APC2: variants seen among roughly 807,000 people sequenced by gnomAD.
APC2 encodes the protein APC regulator of Wnt signaling pathway 2, also known as adenomatous polyposis coli protein 2.
A neutral mutation model predicts 72.5 loss-of-function variants in APC2; 41 were observed. That is an observed-to-expected ratio of 0.57 (90% CI 0.44 to 0.73). The LOEUF (loss-of-function observed/expected upper bound fraction) is 0.73. APC2 is among the 30% of genes least tolerant of loss of function. The pLI, the probability that APC2 is intolerant of heterozygous loss-of-function variation, is 0.00. For missense variants in APC2, 3,729 were observed against 3,403.4 expected, an observed-to-expected ratio of 1.10 and a Z score of -2.38; for synonymous variants, 1,898 against 1,612.0, an observed-to-expected ratio of 1.18 and a Z score of -4.25.
At position 1,469,329 on chromosome 19, in the gene APC2, G is replaced by A; in HGVS notation, c.6028G>A (p.Glu2010Lys). 1.4e-6 allele frequency: 2 copies of A among 1,407,840 alleles called. No individual in the cohort carries two copies. The highest frequency in any genetic ancestry group is 2.6e-5 in the South Asian group (2 of 75,510). The allele number at this position is 1,407,840 out of a possible 1,614,324, so 87.2% of individuals were successfully genotyped here. The change falls in exon 15 of 15, where the codon GAG (glutamate) becomes AAG (lysine). Residue 2010 changes from glutamate to lysine, a missense_variant. Physicochemically the swap from Glu to Lys is moderately conservative, Grantham distance 56 (BLOSUM62 1). Coordinates refer to ENST00000590469, the MANE Select transcript of APC2 (RefSeq NM_005883.3). ...GCCGGGCTTGCGGCGCCGCCGCTCC[G>A]AGCTGTCCTCGGCCGAGTCCGCGGC... ...ESPGLRRRRS[E>K]LSSAESAASA...
In APC2 at chr19:1,467,966, AC is replaced by A; in HGVS notation, c.4667del (p.Pro1556GlnfsTer24). ...AGGCCCCTGCCCCGTCCAAGGCTGC[AC>A]CAGCTGCCCCGCCGCCCGCCCGGAC... ...KEAPAPSKAA[P>X]AAPPPARTQP... On this transcript the variant is annotated frameshift_variant, in exon 15 of 15. Coordinates refer to ENST00000590469, the MANE Select transcript of APC2 (RefSeq NM_005883.3). LOFTEE classifies it low-confidence loss of function (END_TRUNC). 1 of 1,579,932 alleles carries A rather than the reference AC, an allele frequency of 6.3e-7. No individual in the cohort carries two copies. Among genetic ancestry groups the A allele is most frequent in the Non-Finnish European group, 8.5e-7 (1 of 1,172,340 alleles).
Position 1,468,133 on chromosome 19 carries a change from G to A in APC2, c.4832G>A (p.Gly1611Asp), listed in dbSNP as rs1426585119. ...GREPAVTKDP[G>D]PGGGRDSSPS... The stretch of plus-strand genomic sequence containing the variant: ...GAGCCCGCGGTCACCAAGGACCCGG[G>A]CCCAGGAGGCGGACGCGACAGCTCG... The change falls in exon 15 of 15, where the codon GGC (glycine) becomes GAC (aspartate). Residue 1611 changes from glycine (G) to aspartate (D), a missense_variant. By Grantham distance (94) the Gly-to-Asp change is moderately conservative. Transcript: ENST00000590469. 3.3e-6 allele frequency: 5 copies of A among 1,498,730 alleles called. No homozygotes were observed. Among genetic ancestry groups the A allele is most frequent in the Admixed American group, 4.4e-5 (2 of 45,910 alleles). 92.8% of individuals were successfully genotyped at this position (1,498,730 alleles called of 1,614,324 possible). A position where few individuals can be genotyped will look rare whatever the true frequency, so the allele number is the denominator to read the frequency against.
intron 1 of APC2, chr19:1,451,853 G>C (rs917826078): frequency 6.6e-6 from 1 of 152,518 alleles, no homozygotes; most frequent in Non-Finnish European, 1.5e-5. Flanking sequence ...TGTCCCAGCC[G>C]TGCCCCTGGT....
rs761630570 is a variant in APC2 at position 1,469,004 on chromosome 19, C to T, written c.5703C>T (p.Pro1901=). 1 of 1,555,568 alleles carries T rather than the reference C, an allele frequency of 6.4e-7. No individual in the cohort carries two copies. Among genetic ancestry groups the T allele is most frequent in the Non-Finnish European group, 8.7e-7 (1 of 1,154,806 alleles). ...PPVTQAAGAL[P]GPGASPVPKT... is the part of the protein sequence containing the mutation. ...TCACCCAGGCTGCTGGGGCCCTGCCCGGCCCCGGAGCCTCCCCGGTGCCCA... is the reference window on the plus strand; with the variant it reads ...TCACCCAGGCTGCTGGGGCCCTGCCTGGCCCCGGAGCCTCCCCGGTGCCCA... Residue 1901 remains proline, a synonymous_variant, in exon 15 of 15, where the codon CCC becomes CCT. Coordinates refer to ENST00000590469, the MANE Select transcript of APC2 (RefSeq NM_005883.3).
Position 1,461,721 on chromosome 19 carries a change from G to A in APC2, c.1639-242G>A, listed in dbSNP as rs185336468. On this transcript the variant is annotated intron_variant, in intron 13 of 14. Coordinates refer to ENST00000590469, the MANE Select transcript of APC2 (RefSeq NM_005883.3). ...CAAAAAATTAGCCGGGCGTGGTGGC[G>A]GGTGTCTGTAGTCCCAGCTACTCCG... 2,824 of 510,246 alleles carry A rather than the reference G, an allele frequency of 5.5e-3. 60 individuals are homozygous for A. Among genetic ancestry groups the A allele is most frequent in the African/African-American group, 0.049 (2,493 of 50,804 alleles). 31.6% of individuals were successfully genotyped at this position (510,246 alleles called of 1,614,324 possible).
upstream of APC2, among the ~76,000 whole-genome samples, chr19:1,447,097 G>A (rs972392271): frequency 6.6e-6 from 1 of 152,188 alleles, no homozygotes; most frequent in African/African-American, 2.4e-5. Context: ...CGGCGGTCAG[G>A]CTTCAGGGCG....
In APC2 at chr19:1,465,462, C is replaced by T; in HGVS notation, c.2161C>T (p.Arg721Cys). ...CAGCTGCGTGCCCAGCCTGTACGTG[C>T]GCAAGCAGCGGGCGCTGGAGGCCGA... is the stretch of plus-strand genomic sequence containing the variant. The part of the protein sequence containing the change: ...PGSCVPSLYV[R>C]KQRALEAELD... Residue 721 changes from arginine (R) to cysteine (C), a missense_variant, in exon 15 of 15, where the codon CGC becomes TGC. Transcript: ENST00000590469. 2 of 1,531,992 alleles carry T rather than the reference C, an allele frequency of 1.3e-6. No homozygotes were observed. The highest frequency in any genetic ancestry group is 1.2e-5 in the South Asian group (1 of 83,978). 94.9% of individuals were successfully genotyped at this position (1,531,992 alleles called of 1,614,324 possible).
intron 10 of APC2, among the ~76,000 whole-genome samples, chr19:1,458,914 C>A (rs1029197420): frequency 6.6e-6 from 1 of 152,088 alleles, no homozygotes. Context: ...AAACTCCTGG[C>A]CTCGGGTGAT....
intron 4 of APC2, among the ~76,000 whole-genome samples, chr19:1,454,021 G>T (rs769244209): frequency 2.2e-4 from 33 of 152,198 alleles, no homozygotes; most frequent in Non-Finnish European, 4.4e-4. Flanking sequence ...TGGGCTCAGG[G>T]CCAGCAGAGG....
At chr19:1,461,372 C>T (rs548214473) in intron 13 of APC2, 7 of 586,842 alleles carry the variant, frequency 1.2e-5, no homozygotes, top group South Asian at 2.0e-5. Context: ...GTCAGGAGTT[C>T]GAGACCAGCC....
Position 1,455,420 on chromosome 19 carries a change from C to G in APC2, c.559C>G (p.Leu187Val), listed in dbSNP as rs748343600. 1 of 1,608,898 alleles carries G rather than the reference C, an allele frequency of 6.2e-7. No homozygotes were observed. The highest frequency in any genetic ancestry group is 8.5e-7 in the Non-Finnish European group (1 of 1,178,146). ...GCAGATGGACCTGATCCGGCAGCAG[C>G]TTGAGTTCGAGGCCCAGCACATCCG... ...SMQMDLIRQQLEFEAQHIRSL... is the reference protein window; with the variant it reads ...SMQMDLIRQQVEFEAQHIRSL... The change falls in exon 6 of 15, where the codon CTT (leucine) becomes GTT (valine). Residue 187 changes from leucine to valine, a missense_variant. Leu to Val is a conservative substitution (Grantham distance 32). Transcript: ENST00000590469.
chr19:1,468,997 C>A lies in APC2; in HGVS notation c.5696C>A (p.Ala1899Asp). 6.4e-7 allele frequency: 1 copy of A among 1,556,776 alleles called. No homozygotes were observed. The highest frequency in any genetic ancestry group is 8.7e-7 in the Non-Finnish European group (1 of 1,155,802). ...KRPPVTQAAGALPGPGASPVP... is the reference protein window; with the variant it reads ...KRPPVTQAAGDLPGPGASPVP... ...CCCCCGGTCACCCAGGCTGCTGGGG[C>A]CCTGCCCGGCCCCGGAGCCTCCCCG... Residue 1899 changes from alanine (A) to aspartate (D), a missense_variant, in exon 15 of 15, where the codon GCC becomes GAC. Coordinates refer to ENST00000590469, the MANE Select transcript of APC2 (RefSeq NM_005883.3).
intron 9 of APC2, 159 bp from the exon 10 acceptor site, chr19:1,457,806 C>G (rs896571465): frequency 3.0e-6 from 2 of 657,576 alleles, no homozygotes; most frequent in Non-Finnish European, 5.4e-6. Flanking sequence ...CCCCATCATC[C>G]CATCTTAGAG....
upstream of APC2, among the ~76,000 whole-genome samples, chr19:1,448,260 C>T (rs1438055219): frequency 2.6e-5 from 4 of 152,172 alleles, no homozygotes; most frequent in African/African-American, 9.7e-5. Context: ...TCCTCCTGAT[C>T]ACTGCTGTTC....
In APC2 at chr19:1,467,427, T is replaced by A; in HGVS notation, c.4126T>A (p.Leu1376Met). The change falls in exon 15 of 15, where the codon TTG becomes ATG. Residue 1376 changes from leucine to methionine, a missense_variant. Physicochemically the swap from Leu to Met is conservative, Grantham distance 15. Coordinates refer to ENST00000590469, the MANE Select transcript of APC2 (RefSeq NM_005883.3). ...CGCACTCCCCGTGCCCGTCTACATGTTGGTGCCCGCCCCGGCCCCGGCCCA... is the reference window on the plus strand; with the variant it reads ...CGCACTCCCCGTGCCCGTCTACATGATGGTGCCCGCCCCGGCCCCGGCCCA... ...RRALPVPVYM[L>M]VPAPAPAQED... 6.7e-7 allele frequency: 1 copy of A among 1,486,350 alleles called. No individual in the cohort carries two copies. Among genetic ancestry groups the A allele is most frequent in the Non-Finnish European group, 8.9e-7 (1 of 1,123,132 alleles). 92.1% of individuals were successfully genotyped at this position (1,486,350 alleles called of 1,614,324 possible).
At position 1,469,028 on chromosome 19, in the gene APC2, C is replaced by G. The variant is rs752963417; in HGVS notation, c.5727C>G (p.Pro1909=). The G allele has an allele frequency of 6.5e-6, 10 of 1,545,816 alleles. No homozygotes were observed. Among genetic ancestry groups the G allele is most frequent in the Admixed American group, 3.9e-5 (2 of 51,502 alleles). The change falls in exon 15 of 15, where the codon CCC becomes CCG. Residue 1909 remains proline, a synonymous_variant. Coordinates refer to ENST00000590469, the MANE Select transcript of APC2 (RefSeq NM_005883.3). ...ALPGPGASPV[P]KTPARTLLAK... is the part of the protein sequence containing the mutation. ...CCGGCCCCGGAGCCTCCCCGGTGCC[C>G]AAAACGCCGGCGCGCACCCTTCTGG... is the stretch of plus-strand genomic sequence containing the variant.
Position 1,460,225 on chromosome 19 carries a change from A to G in APC2, c.1348A>G (p.Met450Val). 1 of 1,613,510 alleles carries G rather than the reference A, an allele frequency of 6.2e-7. No homozygotes were observed. Residue 450 changes from methionine (M) to valine (V), a missense_variant, in exon 11 of 15, where the codon ATG (methionine) becomes GTG (valine). Coordinates refer to ENST00000590469, the MANE Select transcript of APC2 (RefSeq NM_005883.3). ...VAELLQVDYE[M>V]HKMTRDPLNL... is the part of the protein sequence containing the mutation. The stretch of plus-strand genomic sequence containing the variant: ...AGAGCTGCTGCAGGTTGACTATGAG[A>G]TGCACAAGATGACCCGGGACCCGCT...
chr19:1,447,536 G>C (rs1046649814), upstream of APC2, among the ~76,000 whole-genome samples: 1 of 152,088 alleles, frequency 6.6e-6, no homozygotes, highest in Non-Finnish European at 1.5e-5. Context: ...TGGGAGAAGG[G>C]GGAGACCTCT....
chr19:1,462,259 G>A, intron 14 of APC2, 82 bp downstream of exon 14: 1 of 1,318,156 alleles, frequency 7.6e-7, no homozygotes, highest in South Asian at 1.4e-5. Context: ...GTCCTCCCGT[G>A]AATGCATGCT....
Sources: allele counts gnomAD v4.1 joint callset (sites outside exome capture counted in the v4.1 genomes callset), GRCh38; gene constraint gnomAD v4.1.1; transcripts MANE v1.5; gene names NCBI Gene and HGNC (gene_info 2026-07-23, HGNC 2026-07-21).